ZFX: variants seen among roughly 807,000 people sequenced by gnomAD.
ZFX encodes zinc finger protein X-linked.
For synonymous variants in ZFX, 196 were observed against 226.8 expected, an observed-to-expected ratio of 0.86 and a Z score of 1.22; for missense variants, 362 against 628.3, an observed-to-expected ratio of 0.58 and a Z score of 4.53.
chrX:24,156,853 AC>A (rs1479509258), intron 3 of ZFX, among the ~76,000 whole-genome samples: 1 of 110,594 alleles, frequency 9.0e-6, no homozygotes, highest in East Asian at 2.8e-4. Flanking sequence ...ACGGGGTTTC[AC>A]CGTGTTAGCC....
chrX:24,155,286 TTTTTGTTTTTTG>T (rs1932697872), intron 3 of ZFX, among the ~76,000 whole-genome samples: 1 of 112,254 alleles, frequency 8.9e-6, no homozygotes, highest in Admixed American at 9.5e-5. Context: ...TGGTTCTTAA[TTTTTGTTTTTTG>T]TTTTGTTTTT....
At chrX:24,172,041 C>T (rs931731458) in intron 3 of ZFX, among the ~76,000 whole-genome samples, 4 of 110,636 alleles carry the variant, frequency 3.6e-5, no homozygotes, top group African/African-American at 9.9e-5. Context: ...TACTGTTTAC[C>T]GTTTTATAGC....
At chrX:24,207,143 G>T (rs1188776402) in intron 5 of ZFX, 183 bp from the exon 6 acceptor site, 3 of 400,327 alleles carry the variant, frequency 7.5e-6, no homozygotes, top group Admixed American at 4.6e-5. Context: ...TGAGGCAGGA[G>T]AATGGCTTGA....
intron 5 of ZFX, among the ~76,000 whole-genome samples, chrX:24,180,095 G>A (rs944856188): frequency 2.7e-5 from 3 of 109,871 alleles, no homozygotes; most frequent in African/African-American, 9.9e-5. Flanking sequence ...AACCGGGTGT[G>A]GTGGTGGGCG....
At chrX:24,194,944 C>T (rs1322076988) in intron 5 of ZFX, among the ~76,000 whole-genome samples, 1 of 110,003 alleles carries the variant, frequency 9.1e-6, no homozygotes, top group East Asian at 2.9e-4. Flanking sequence ...ATGGGGGTTT[C>T]ACCATGTTGG....
At position 24,207,706 on chromosome X, in the gene ZFX, T is replaced by TG. The variant is rs1188885530; in HGVS notation, c.797-5dup. The TG allele has an allele frequency of 1.7e-6, 2 of 1,202,747 alleles. No homozygotes were observed. On this transcript the variant is annotated splice_polypyrimidine_tract_variant and splice_region_variant and intron_variant, in intron 6 of 9. Coordinates refer to ENST00000304543, the MANE Select transcript of ZFX (RefSeq NM_003410.4). ...TATTGAAGCTGTCTTCTTCCCTGATTGATAGGTGGAACTGTAGACATTGTG... is the reference window on the plus strand; with the variant it reads ...TATTGAAGCTGTCTTCTTCCCTGATTGGATAGGTGGAACTGTAGACATTGTG...
intron 5 of ZFX, among the ~76,000 whole-genome samples, chrX:24,183,761 C>G (rs895359377): frequency 1.9e-5 from 2 of 103,036 alleles, no homozygotes; most frequent in Non-Finnish European, 3.9e-5. Flanking sequence ...TTGAGACAGT[C>G]TTGTTCTGTC....
At chrX:24,178,503 A>G (rs1842119404) in intron 4 of ZFX, among the ~76,000 whole-genome samples, 1 of 108,271 alleles carries the variant, frequency 9.2e-6, no homozygotes, top group African/African-American at 3.4e-5. Flanking sequence ...GTTAGCCAGG[A>G]TGGTCTCAAG....
intron 5 of ZFX, among the ~76,000 whole-genome samples, chrX:24,191,788 C>T (rs776431073): frequency 9.1e-6 from 1 of 109,881 alleles, no homozygotes; most frequent in African/African-American, 3.3e-5. Flanking sequence ...CAACCTCCAT[C>T]TCCTGGGTAC....
At chrX:24,177,628 C>T (rs1935269666) in intron 4 of ZFX, 1 of 685,765 alleles carries the variant, frequency 1.5e-6, no homozygotes, top group Non-Finnish European at 1.7e-6. Flanking sequence ...CTTTCCTCCT[C>T]AACTGTGGTC....
intron 5 of ZFX, among the ~76,000 whole-genome samples, chrX:24,198,971 G>A (rs1344524779): frequency 2.2e-4 from 24 of 111,415 alleles, no homozygotes; most frequent in African/African-American, 6.9e-4. Flanking sequence ...AACCAAAGGA[G>A]TGATTGTAGA....
chrX:24,177,293 T>G (rs1487165373), intron 4 of ZFX, among the ~76,000 whole-genome samples: 2 of 112,422 alleles, frequency 1.8e-5, no homozygotes, highest in Non-Finnish European at 3.8e-5. Flanking sequence ...TTTGTGACAT[T>G]CATTCAGAAT....
At chrX:24,158,583 A>C (rs1338647570) in intron 3 of ZFX, among the ~76,000 whole-genome samples, 1 of 111,706 alleles carries the variant, frequency 9.0e-6, no homozygotes, top group Non-Finnish European at 1.9e-5. Flanking sequence ...ATGTTTTATC[A>C]TTAAATATGA....
intron 4 of ZFX, 120 bp from the exon 5 acceptor site, chrX:24,179,063 C>G: frequency 1.6e-6 from 1 of 617,124 alleles, no homozygotes. Context: ...TTTAATCTAT[C>G]TTAATGTTTA....
chrX:24,194,283 C>T (rs766588649), intron 5 of ZFX, among the ~76,000 whole-genome samples: 1 of 111,694 alleles, frequency 9.0e-6, no homozygotes, highest in Non-Finnish European at 1.9e-5. Context: ...TTCTCCCCCC[C>T]ACCAAAGCAA....
chrX:24,175,898 G>A (rs1046953565), intron 4 of ZFX, among the ~76,000 whole-genome samples: 11 of 110,342 alleles, frequency 1.0e-4, no homozygotes, highest in African/African-American at 3.6e-4. Flanking sequence ...TTTATAACCA[G>A]TGCTCTTGCC....
chrX:24,200,157 A>G (rs748323607), intron 5 of ZFX, among the ~76,000 whole-genome samples: 12 of 111,152 alleles, frequency 1.1e-4, no homozygotes, highest in African/African-American at 2.9e-4. Context: ...TGTGCTAGCA[A>G]ATCTTCTCTT....
At chrX:24,163,734 G>A (rs957717611) in intron 3 of ZFX, among the ~76,000 whole-genome samples, 3 of 104,957 alleles carry the variant, frequency 2.9e-5, no homozygotes, top group African/African-American at 1.1e-4. Context: ...TTTTGTCCAG[G>A]CTGGTCTTGA....
chrX:24,208,404 G>T (rs368715519), intron 8 of ZFX, 34 bp downstream of exon 8: 18 of 1,193,377 alleles, frequency 1.5e-5, no homozygotes, highest in Middle Eastern at 2.3e-4. Context: ...CATTGAAGAA[G>T]TTGGTTCTTA....
Sources: allele counts gnomAD v4.1 joint callset (sites outside exome capture counted in the v4.1 genomes callset), GRCh38; gene constraint gnomAD v4.1.1; transcripts MANE v1.5; gene names NCBI Gene and HGNC (gene_info 2026-07-23, HGNC 2026-07-21).